The following RICTOR variants were observed in gnomAD, a reference collection of about 807,000 sequenced individuals.
RICTOR encodes the protein RPTOR independent companion of MTOR complex 2.
RICTOR carries 49 observed loss-of-function variants against 214.9 expected under a neutral mutation model. The observed-to-expected ratio is 0.23, with a 90% confidence interval of 0.18 to 0.29. RICTOR has a LOEUF of 0.29. Ranked by LOEUF, RICTOR falls within the 10% of genes least tolerant of loss-of-function variation. The probability of loss-of-function intolerance (pLI) is 1.00; values close to 1 mark genes in which losing one functional copy is unlikely to be tolerated. For synonymous variants in RICTOR, 717 were observed against 711.3 expected (o/e 1.01, Z -0.13); for missense variants, 1,625 against 2,047.0 (o/e 0.79, Z 3.98).
At chr5:39,033,119 T>C (rs1200075601) in intron 2 of RICTOR, among the ~76,000 whole-genome samples, 8 of 152,176 alleles carry the variant, frequency 5.3e-5, no homozygotes, top group African/African-American at 1.9e-4. Context: ...GTATTATAAA[T>C]AACAACTATA....
chr5:38,990,781 G>C (rs1270011432), intron 7 of RICTOR, among the ~76,000 whole-genome samples, 168 bp downstream of exon 7: 16 of 41,052 alleles, frequency 3.9e-4, no homozygotes, highest in Middle Eastern at 0.019. Context: ...TGATATATAT[G>C]AGATATATGA....
intron 8 of RICTOR, among the ~76,000 whole-genome samples, chr5:38,980,518 G>C (rs897017907): frequency 6.6e-6 from 1 of 151,994 alleles, no homozygotes; most frequent in African/African-American, 2.4e-5. Context: ...TTACATAAAG[G>C]CTTTGCTAAT....
At chr5:38,991,099 A>G in intron 6 of RICTOR, 24 bp from the exon 7 acceptor site, 1 of 1,559,886 alleles carries the variant, frequency 6.4e-7, no homozygotes, top group Non-Finnish European at 8.7e-7. Flanking sequence ...AATCAGAAAA[A>G]GAAGTTACTT....
At chr5:38,958,873 AGC>A in intron 22 of RICTOR, 42 bp from the exon 23 acceptor site, 1 of 1,284,660 alleles carries the variant, frequency 7.8e-7, no homozygotes. Context: ...AAAAAACTTC[AGC>A]ATAAATAGCC....
Position 38,959,179 on chromosome 5 carries a change from G to T in RICTOR, c.2178+16C>A, listed in dbSNP as rs2150015726. On this transcript the variant is annotated intron_variant, in intron 22 of 37. Coordinates refer to ENST00000357387, the MANE Select transcript of RICTOR (RefSeq NM_152756.5). ...ATTGGTTATAAATATAGTTTTACTG[G>T]CTATGTTATACTCACATCAGTAGCT... 1 of 1,549,072 alleles carries T rather than the reference G, an allele frequency of 6.5e-7. No individual in the cohort carries two copies. Among genetic ancestry groups the T allele is most frequent in the African/African-American group, 1.4e-5 (1 of 72,006 alleles).
chr5:39,015,723 T>C (rs1228629256), intron 3 of RICTOR, among the ~76,000 whole-genome samples: 1 of 151,960 alleles, frequency 6.6e-6, no homozygotes, highest in Non-Finnish European at 1.5e-5. Context: ...AGACTCACCA[T>C]CTTACAGTCA....
At chr5:39,017,354 T>C (rs1193440649) in intron 3 of RICTOR, among the ~76,000 whole-genome samples, 2 of 152,070 alleles carry the variant, frequency 1.3e-5, no homozygotes, top group Admixed American at 6.6e-5. Flanking sequence ...TAAAAGACAA[T>C]GAAACTAGAA....
intron 2 of RICTOR, among the ~76,000 whole-genome samples, chr5:39,029,087 T>C (rs933852427): frequency 4.6e-5 from 7 of 152,052 alleles, no homozygotes; most frequent in African/African-American, 1.7e-4. Context: ...TGCTGGAAGA[T>C]AAAGTAACCA....
At chr5:38,953,642 GTTTT>G (rs1205712913) in intron 27 of RICTOR, 89 bp from the exon 28 acceptor site, 10 of 422,684 alleles carry the variant, frequency 2.4e-5, no homozygotes, top group Admixed American at 8.3e-5. Flanking sequence ...TATAACGTTT[GTTTT>G]TTGTCATTTT....
intron 7 of RICTOR, among the ~76,000 whole-genome samples, chr5:38,983,593 G>T (rs1318850727): frequency 6.6e-6 from 1 of 152,132 alleles, no homozygotes. Flanking sequence ...TAACAAAGGA[G>T]CCTTCTAATT....
At chr5:39,000,358 T>C (rs1042932524) in intron 5 of RICTOR, among the ~76,000 whole-genome samples, 51 of 151,938 alleles carry the variant, frequency 3.4e-4, no homozygotes, top group Non-Finnish European at 1.2e-4. Flanking sequence ...ACAAAGACTT[T>C]AGATGAATGG....
intron 2 of RICTOR, among the ~76,000 whole-genome samples, chr5:39,029,434 A>G (rs1756103144): frequency 6.6e-6 from 1 of 152,138 alleles, no homozygotes; most frequent in Non-Finnish European, 1.5e-5. Context: ...ATGTGTGTAA[A>G]CATTAATATA....
At chr5:39,067,616 C>T (rs1436996468) in intron 2 of RICTOR, among the ~76,000 whole-genome samples, 1 of 152,048 alleles carries the variant, frequency 6.6e-6, no homozygotes, top group African/African-American at 2.4e-5. Context: ...ATTTATATCC[C>T]TTTTCTCAAC....
chr5:38,993,890 T>G (rs1752964422), intron 6 of RICTOR, among the ~76,000 whole-genome samples: 1 of 152,068 alleles, frequency 6.6e-6, no homozygotes, highest in Non-Finnish European at 1.5e-5. Flanking sequence ...TTAAAAATAT[T>G]ATACAAAATT....
chr5:39,070,493 G>C (rs116010738), intron 2 of RICTOR, among the ~76,000 whole-genome samples: 3,003 of 151,950 alleles, frequency 0.02, 107 homozygotes, highest in African/African-American at 0.068. Flanking sequence ...AAAAAAAAAA[G>C]TTAGAGTTCA....
At chr5:39,048,328 A>C (rs901579649) in intron 2 of RICTOR, among the ~76,000 whole-genome samples, 5 of 152,258 alleles carry the variant, frequency 3.3e-5, no homozygotes, top group Admixed American at 6.5e-5. Flanking sequence ...CTCAGCTGGC[A>C]TACAGGAACT....
Position 38,952,341 on chromosome 5 carries a change from C to T in RICTOR, c.2982G>A (p.Arg994=), listed in dbSNP as rs1426760947. The change falls in exon 30 of 38, where the codon AGG becomes AGA. Residue 994 remains arginine (R), a synonymous_variant. Coordinates refer to ENST00000357387, the MANE Select transcript of RICTOR (RefSeq NM_152756.5). ...ILKCHNWDAV[R]HSRKHLWPVV... is the part of the protein sequence containing the mutation. ...CTGGCCACAGATGTTTGCGACTATG[C>T]CTCACAGCATCCCAGTTGTGACATT... 2 of 1,612,944 alleles carry T rather than the reference C, an allele frequency of 1.2e-6. No homozygotes were observed. Among genetic ancestry groups the T allele is most frequent in the Non-Finnish European group, 1.7e-6 (2 of 1,179,224 alleles).
rs539186649 is a variant in RICTOR, at chr5:39,035,524, G to A, written c.98-14388C>T. On this transcript the variant is annotated intron_variant, in intron 2 of 37. Transcript: ENST00000357387. ...AGGCTTCAGAAGATCAAACTACTCC[G>A]AGCTAAAAGAGGAAGTTCGAACCAA... Among the ~76,000 whole-genome samples, 160 of 152,258 alleles carry A rather than the reference G, an allele frequency of 1.1e-3. 1 individual carries two copies. Among genetic ancestry groups the A allele is most frequent in the Middle Eastern group, 0.01 (3 of 294 alleles).
intron 11 of RICTOR, chr5:38,971,173 G>A (rs1298274691): frequency 1.3e-5 from 2 of 151,644 alleles, no homozygotes; most frequent in Non-Finnish European, 2.9e-5. Flanking sequence ...TAAGTAGCTG[G>A]GATTACAGGT....
Sources: allele counts gnomAD v4.1 joint callset (sites outside exome capture counted in the v4.1 genomes callset), GRCh38; gene constraint gnomAD v4.1.1; transcripts MANE v1.5; gene names NCBI Gene and HGNC (gene_info 2026-07-23, HGNC 2026-07-21).